Variants in ROR1 observed in about 807,000 individuals in gnomAD.
ROR1 encodes the protein inactive tyrosine-protein kinase transmembrane receptor ROR1.
A neutral mutation model predicts 78.8 loss-of-function variants in ROR1; 19 were observed. The ratio of observed to expected loss-of-function variants is 0.24; its 90% CI spans 0.17 to 0.35. The LOEUF is 0.35. Among genes scored for constraint, ROR1 ranks in the 10% least tolerant of loss-of-function variants. The probability of loss-of-function intolerance (pLI) is 1.00; values close to 1 mark genes in which losing one functional copy is unlikely to be tolerated. For synonymous variants in ROR1, 386 were observed against 433.6 expected (o/e 0.89, Z 1.36); for missense variants, 917 against 1,177.8 (o/e 0.78, Z 3.24).
chr1:63,967,111 A>G (rs897845200), intron 1 of ROR1, among the ~76,000 whole-genome samples: 12 of 152,210 alleles, frequency 7.9e-5, no homozygotes, highest in Non-Finnish European at 1.5e-4. Flanking sequence ...GAATTACTGT[A>G]AGTAAAAGAT....
chr1:63,813,243 G>A (rs780588611), intron 1 of ROR1, among the ~76,000 whole-genome samples: 4 of 152,238 alleles, frequency 2.6e-5, no homozygotes, highest in Admixed American at 6.5e-5. Context: ...AAACAAAATA[G>A]GTAAGTTTTA....
At chr1:63,927,662 G>A (rs555098261) in intron 1 of ROR1, among the ~76,000 whole-genome samples, 50 of 152,014 alleles carry the variant, frequency 3.3e-4, no homozygotes, top group Non-Finnish European at 5.7e-4. Flanking sequence ...TGGAAATAAG[G>A]TGAATTGTTC....
intron 1 of ROR1, among the ~76,000 whole-genome samples, chr1:63,940,498 C>CAGACAGACAGACAGATAGAT (rs1230477303): frequency 4.0e-5 from 3 of 75,138 alleles, no homozygotes; most frequent in African/African-American, 9.4e-5. Context: ...GATAGACAGA[C>CAGACAGACAGACAGATAGAT]AGATAGATAG....
At chr1:63,989,928 C>G (rs910338896) in intron 1 of ROR1, among the ~76,000 whole-genome samples, 3 of 152,204 alleles carry the variant, frequency 2.0e-5, no homozygotes, top group Non-Finnish European at 4.4e-5. Flanking sequence ...CAACCTCTCC[C>G]CTTCCTCATT....
intron 1 of ROR1, among the ~76,000 whole-genome samples, chr1:63,901,430 T>C (rs1645484665): frequency 6.6e-6 from 1 of 152,184 alleles, no homozygotes; most frequent in Non-Finnish European, 1.5e-5. Context: ...TCTGTAGCTG[T>C]AATAGCAGTG....
At chr1:63,786,315 C>T (rs531182212) in intron 1 of ROR1, among the ~76,000 whole-genome samples, 40 of 136,730 alleles carry the variant, frequency 2.9e-4, no homozygotes, top group African/African-American at 1.0e-3. Flanking sequence ...CTCTGTCGCC[C>T]AGGCTGGAGT....
intron 4 of ROR1, among the ~76,000 whole-genome samples, chr1:64,079,070 G>A (rs1347773120): frequency 1.3e-5 from 2 of 152,174 alleles, no homozygotes; most frequent in Non-Finnish European, 2.9e-5. Context: ...GACTTAATAG[G>A]TGATTTCAGG....
At chr1:63,819,379 A>G (rs1055791380) in intron 1 of ROR1, among the ~76,000 whole-genome samples, 4 of 152,206 alleles carry the variant, frequency 2.6e-5, no homozygotes, top group African/African-American at 9.7e-5. Context: ...GTAAGGGATG[A>G]AACTTGAAAA....
At chr1:64,031,609 T>C (rs1646660145) in intron 2 of ROR1, among the ~76,000 whole-genome samples, 1 of 152,256 alleles carries the variant, frequency 6.6e-6, no homozygotes, top group South Asian at 2.1e-4. Context: ...ATGTTAAGGA[T>C]AGTTGCTCAT....
At chr1:64,033,772 T>C (rs144598270) in intron 2 of ROR1, among the ~76,000 whole-genome samples, 1 of 152,376 alleles carries the variant, frequency 6.6e-6, no homozygotes, top group African/African-American at 2.4e-5. Context: ...TAATGAAATT[T>C]ATTGAGACTT....
Position 64,120,666 on chromosome 1 carries a change from T to C in ROR1, c.483-16703T>C, listed in dbSNP as rs950156439. On this transcript the variant is annotated intron_variant, in intron 4 of 8. Coordinates refer to ENST00000371079, the MANE Select transcript of ROR1 (RefSeq NM_005012.4). ...GTAGGTCTAATGGTAACAATGGCAC[T>C]GCAGCCTCCTTGACCCAGCAACACT... 2.6e-5 allele frequency among the ~76,000 whole-genome samples: 4 copies of C among 152,280 alleles called. No homozygotes were observed. In the East Asian group the frequency reaches 7.7e-4, roughly 29 times the overall value.
intron 1 of ROR1, among the ~76,000 whole-genome samples, chr1:63,958,491 A>T (rs1646001950): frequency 6.6e-6 from 1 of 152,316 alleles, no homozygotes; most frequent in Middle Eastern, 3.4e-3. Context: ...TGAGAGGAGA[A>T]CATATTTAGA....
intron 2 of ROR1, among the ~76,000 whole-genome samples, chr1:64,020,379 C>A (rs1646555401): frequency 6.6e-6 from 1 of 152,136 alleles, no homozygotes; most frequent in Admixed American, 6.5e-5. Context: ...TTATTCAGTG[C>A]CTACCATGGA....
At chr1:64,075,787 A>G (rs1182660677) in intron 4 of ROR1, among the ~76,000 whole-genome samples, 1 of 152,196 alleles carries the variant, frequency 6.6e-6, no homozygotes, top group East Asian at 1.9e-4. Context: ...CTTTACGCTT[A>G]ATGGCTCTAA....
intron 1 of ROR1, among the ~76,000 whole-genome samples, chr1:63,854,506 C>T (rs989552965): frequency 6.6e-6 from 1 of 152,188 alleles, no homozygotes; most frequent in Admixed American, 6.5e-5. Context: ...AGTTGTTTGT[C>T]TCATGAATTT....
chr1:63,850,321 A>G (rs2100329293), intron 1 of ROR1, among the ~76,000 whole-genome samples: 1 of 152,350 alleles, frequency 6.6e-6, no homozygotes, highest in Admixed American at 6.5e-5. Context: ...TATTATAAAC[A>G]ATTTTGCCAT....
At chr1:63,966,012 C>A (rs931103050) in intron 1 of ROR1, among the ~76,000 whole-genome samples, 3 of 152,086 alleles carry the variant, frequency 2.0e-5, no homozygotes, top group Non-Finnish European at 2.9e-5. Context: ...ATAGTAACCC[C>A]TTGTAGGATT....
intron 1 of ROR1, among the ~76,000 whole-genome samples, chr1:63,905,222 ATC>A (rs1645519272): frequency 6.6e-6 from 1 of 152,184 alleles, no homozygotes; most frequent in Non-Finnish European, 1.5e-5. Flanking sequence ...TGAACTAGGA[ATC>A]TCTGAAGCCA....
chr1:63,802,534 T>C (rs1644803457), intron 1 of ROR1, among the ~76,000 whole-genome samples: 1 of 152,224 alleles, frequency 6.6e-6, no homozygotes, highest in East Asian at 1.9e-4. Flanking sequence ...AGTTGAATTG[T>C]GTGACTATGA....
Sources: gnomAD v4.1 joint callset for allele counts (sites outside exome capture counted in the v4.1 genomes callset) on GRCh38, gnomAD v4.1.1 for gene constraint, MANE v1.5 for transcripts, NCBI Gene and HGNC (gene_info 2026-07-23, HGNC 2026-07-21) for gene names.